SRPK2: variants seen among roughly 807,000 people sequenced by gnomAD.
SRPK2 encodes the protein SFRS protein kinase 2.
Under a neutral mutation model 90.8 loss-of-function variants are expected in SRPK2, and 21 were observed. That is an observed-to-expected ratio of 0.23 (90% confidence interval 0.16 to 0.33). The LOEUF (loss-of-function observed/expected upper bound fraction) is 0.33. SRPK2 is among the 10% of genes least tolerant of loss of function. SRPK2 has a pLI of 1.00. For missense variants in SRPK2, 620 were observed against 869.0 expected (o/e 0.71, Z 3.60); for synonymous variants, 288 against 311.1 (o/e 0.93, Z 0.78).
intron 2 of SRPK2, among the ~76,000 whole-genome samples, chr7:105,277,088 T>A (rs1008811092): frequency 6.6e-6 from 1 of 152,122 alleles, no homozygotes; most frequent in Non-Finnish European, 1.5e-5. Flanking sequence ...ATTATTATTT[T>A]TTTTTTGAGA....
At chr7:105,257,905 A>C (rs1208872328) in intron 2 of SRPK2, among the ~76,000 whole-genome samples, 2 of 151,140 alleles carry the variant, frequency 1.3e-5, no homozygotes, top group Non-Finnish European at 2.9e-5. Context: ...AGGTCAGGAG[A>C]CTGAGACCAC....
rs1554436073 is a variant in SRPK2, at chr7:105,170,981, A to AAGAAAG, written c.230-1722_230-1717dup. 3.2e-3 allele frequency among the ~76,000 whole-genome samples: 437 copies of AAGAAAG among 137,584 alleles called. 38 individuals carry two copies. The highest frequency in any genetic ancestry group is 4.0e-3 in the African/African-American group (143 of 35,770). The allele number at this position is 137,584 out of a possible 152,430, so 90.3% of individuals were successfully genotyped here. A position where few individuals can be genotyped will look rare whatever the true frequency, so the allele number is the denominator to read the frequency against. On this transcript the variant is annotated intron_variant, in intron 3 of 15. Transcript: ENST00000393651. ...AAAGAAAGAAAGAGAAAGAAAGAGA[A>AAGAAAG]AGAAAGAAAGAAAGAGAAAGAAAGA...
At chr7:105,257,499 G>T (rs963416684) in intron 2 of SRPK2, among the ~76,000 whole-genome samples, 1 of 152,234 alleles carries the variant, frequency 6.6e-6, no homozygotes, top group Non-Finnish European at 1.5e-5. Context: ...CAAATACTGA[G>T]GAAGTTATTC....
chr7:105,276,337 C>T (rs1384395363), intron 2 of SRPK2, among the ~76,000 whole-genome samples: 1 of 152,028 alleles, frequency 6.6e-6, no homozygotes, highest in African/African-American at 2.4e-5. Context: ...CCTTGGCCCC[C>T]TCAAAGTGCC....
intron 2 of SRPK2, among the ~76,000 whole-genome samples, chr7:105,347,080 T>C (rs924347059): frequency 6.6e-6 from 1 of 151,474 alleles, no homozygotes; most frequent in Non-Finnish European, 1.5e-5. Flanking sequence ...TTTTTTAAGA[T>C]TAAGGTTTCA....
intron 4 of SRPK2, among the ~76,000 whole-genome samples, 181 bp from the exon 5 acceptor site, chr7:105,168,276 A>C (rs577124635): frequency 7.8e-4 from 118 of 152,250 alleles, no homozygotes; most frequent in Non-Finnish European, 1.5e-3. Flanking sequence ...ACTGCAATCA[A>C]AACTCAGTAA....
chr7:105,156,921 TAAC>T (rs2129580750), intron 7 of SRPK2, among the ~76,000 whole-genome samples: 1 of 152,308 alleles, frequency 6.6e-6, no homozygotes, highest in African/African-American at 2.4e-5. Context: ...CCCAAGCTCT[TAAC>T]AACTCCATAT....
intron 2 of SRPK2, among the ~76,000 whole-genome samples, chr7:105,381,808 G>A (rs1820983088): frequency 6.6e-6 from 1 of 152,158 alleles, no homozygotes. Flanking sequence ...ATACTACAGG[G>A]AAGTATAAAT....
At chr7:105,205,169 T>C (rs896095813) in intron 2 of SRPK2, among the ~76,000 whole-genome samples, 1 of 151,986 alleles carries the variant, frequency 6.6e-6, no homozygotes, top group Non-Finnish European at 1.5e-5. Context: ...CACTAATGCA[T>C]GTGGCTTGCC....
downstream of SRPK2, among the ~76,000 whole-genome samples, chr7:105,116,008 T>C (rs777692304): frequency 6.6e-6 from 1 of 152,214 alleles, no homozygotes; most frequent in Non-Finnish European, 1.5e-5. Flanking sequence ...TGATCCATTC[T>C]ACCTCACAGT....
At chr7:105,232,752 C>T (rs531467285) in intron 2 of SRPK2, among the ~76,000 whole-genome samples, 2 of 151,824 alleles carry the variant, frequency 1.3e-5, no homozygotes, top group East Asian at 1.9e-4. Context: ...CAGCGGCTCA[C>T]GCCTGTAATC....
chr7:105,396,967 C>T (rs1001674439), intron 1 of SRPK2, among the ~76,000 whole-genome samples: 1 of 151,988 alleles, frequency 6.6e-6, no homozygotes, highest in Non-Finnish European at 1.5e-5. Context: ...TGTAGAGTGA[C>T]ATTTTATTTT....
chr7:105,395,321 C>A lies in SRPK2; in HGVS notation n.153+3835G>T, dbSNP rs555984797. On this transcript the variant is annotated intron_variant and non_coding_transcript_variant, in intron 1 of 3. Transcript: ENST00000462282. ...CCTGGGGAACATAGTGAGACCCCCCCACCTCTATCAACTAAAAAATAAATT... is the reference window on the plus strand; with the variant it reads ...CCTGGGGAACATAGTGAGACCCCCCAACCTCTATCAACTAAAAAATAAATT... Among the ~76,000 whole-genome samples, 6 of 151,816 alleles carry A rather than the reference C, an allele frequency of 4.0e-5. No homozygotes were observed. In the East Asian group the frequency reaches 7.7e-4, roughly 20 times the overall value.
intron 2 of SRPK2, among the ~76,000 whole-genome samples, chr7:105,330,330 C>G (rs1269945603): frequency 6.6e-6 from 1 of 151,420 alleles, no homozygotes; most frequent in African/African-American, 2.4e-5. Flanking sequence ...GATCGAGACT[C>G]TGTCTCAAAA....
At chr7:105,252,499 G>A (rs893333717) in intron 2 of SRPK2, among the ~76,000 whole-genome samples, 1 of 151,992 alleles carries the variant, frequency 6.6e-6, no homozygotes, top group Non-Finnish European at 1.5e-5. Context: ...TTTAAAATTA[G>A]GTAAAATTAA....
chr7:105,248,757 C>T (rs1410998537), intron 2 of SRPK2, among the ~76,000 whole-genome samples: 6 of 152,028 alleles, frequency 3.9e-5, no homozygotes, highest in South Asian at 2.1e-4. Context: ...CTAGCTAACA[C>T]GGTGAAACCC....
intron 2 of SRPK2, among the ~76,000 whole-genome samples, chr7:105,339,807 T>C (rs889049113): frequency 1.3e-5 from 2 of 152,154 alleles, no homozygotes; most frequent in African/African-American, 4.8e-5. Flanking sequence ...ACGCCTGTAA[T>C]CCTAGCACTC....
Position 105,301,389 on chromosome 7 carries a change from A to G in SRPK2, c.71+87259T>C, listed in dbSNP as rs1409020880. On this transcript the variant is annotated intron_variant, in intron 2 of 15. Coordinates refer to ENST00000393651, the MANE Select transcript of SRPK2 (RefSeq NM_182692.3). ...GGGGCACGCACGATTGGCACCTGCCAGTGCCAAGACTGTGCCGCCCCCACA... is the reference window on the plus strand; with the variant it reads ...GGGGCACGCACGATTGGCACCTGCCGGTGCCAAGACTGTGCCGCCCCCACA... 3 of 607,474 alleles carry G rather than the reference A, an allele frequency of 4.9e-6. No homozygotes were observed. The African/African-American group carries it at 5.6e-5, about 11-fold the overall frequency. 37.6% of individuals were successfully genotyped at this position (607,474 alleles called of 1,614,324 possible). A position where few individuals can be genotyped will look rare whatever the true frequency, so the allele number is the denominator to read the frequency against.
At chr7:105,181,526 T>C (rs1423796782) in intron 3 of SRPK2, among the ~76,000 whole-genome samples, 2 of 152,170 alleles carry the variant, frequency 1.3e-5, no homozygotes, top group Non-Finnish European at 2.9e-5. Flanking sequence ...TGGAATACTA[T>C]GTAGCTATAA....
Sources: gnomAD v4.1 joint callset for allele counts (sites outside exome capture counted in the v4.1 genomes callset) on GRCh38, gnomAD v4.1.1 for gene constraint, MANE v1.5 for transcripts, NCBI Gene and HGNC (gene_info 2026-07-23, HGNC 2026-07-21) for gene names.